The following RALYL variants were observed in gnomAD, a reference collection of about 807,000 sequenced individuals.
The protein encoded by RALYL is RALY RNA binding protein like.
RALYL carries 29 observed loss-of-function variants against 35.1 expected under a neutral mutation model. The ratio of observed to expected loss-of-function variants is 0.83; its 90% CI spans 0.61 to 1.13. RALYL has a LOEUF of 1.13. Ranked by LOEUF, RALYL falls within the 50% of genes most tolerant of loss-of-function variation. RALYL has a pLI of 0.00. For missense variants in RALYL, 359 were observed against 360.4 expected (o/e 1.00, Z 0.03); for synonymous variants, 120 against 127.6 (o/e 0.94, Z 0.40).
intron 1 of RALYL, among the ~76,000 whole-genome samples, chr8:84,367,484 G>A (rs908361316): frequency 1.5e-4 from 22 of 150,422 alleles, no homozygotes; most frequent in African/African-American, 2.9e-4. Context: ...AGCCACTAGC[G>A]CAGCCTCATT....
intron 2 of RALYL, among the ~76,000 whole-genome samples, chr8:84,773,538 A>G (rs76387394): frequency 0.029 from 4,479 of 152,258 alleles, 107 homozygotes; most frequent in Non-Finnish European, 0.049. Flanking sequence ...ACAGTTTTAC[A>G]TATTTCTTTA....
At chr8:84,674,534 A>C (rs553784228) in intron 2 of RALYL, among the ~76,000 whole-genome samples, 35 of 152,184 alleles carry the variant, frequency 2.3e-4, no homozygotes, top group Non-Finnish European at 4.4e-4. Context: ...CATTACTCTA[A>C]ACACAGCATT....
intron 5 of RALYL, among the ~76,000 whole-genome samples, chr8:84,856,890 C>T (rs1194654883): frequency 6.6e-6 from 1 of 150,854 alleles, no homozygotes; most frequent in Middle Eastern, 3.4e-3. Flanking sequence ...TAGCCGGGCG[C>T]GGTGGCAGGC....
chr8:84,524,038 G>C (rs1168515516), intron 1 of RALYL, among the ~76,000 whole-genome samples: 1 of 151,980 alleles, frequency 6.6e-6, no homozygotes, highest in African/African-American at 2.4e-5. Context: ...CCCAGTAATG[G>C]GATGGCTGGG....
intron 1 of RALYL, among the ~76,000 whole-genome samples, chr8:84,363,437 C>T (rs1457758053): frequency 6.6e-6 from 1 of 152,076 alleles, no homozygotes; most frequent in African/African-American, 2.4e-5. Context: ...GAGTGATGTG[C>T]GATGGGTAAT....
intron 2 of RALYL, among the ~76,000 whole-genome samples, chr8:84,692,650 T>G (rs1033405345): frequency 4.6e-5 from 7 of 152,102 alleles, no homozygotes; most frequent in African/African-American, 7.2e-5. Context: ...ATCCTTTTGC[T>G]GCAGAAACTG....
chr8:84,832,642 G>A (rs998779987), intron 4 of RALYL, among the ~76,000 whole-genome samples: 1 of 151,990 alleles, frequency 6.6e-6, no homozygotes, highest in African/African-American at 2.4e-5. Context: ...AAAATCTGTA[G>A]GTGGATATCT....
At chr8:84,705,769 C>T (rs1333099886) in intron 2 of RALYL, among the ~76,000 whole-genome samples, 1 of 152,100 alleles carries the variant, frequency 6.6e-6, no homozygotes, top group Non-Finnish European at 1.5e-5. Flanking sequence ...CATTAGAGAA[C>T]TTAACTGCTA....
intron 1 of RALYL, among the ~76,000 whole-genome samples, chr8:84,223,446 G>A (rs1453040085): frequency 5.3e-5 from 8 of 152,112 alleles, no homozygotes; most frequent in Non-Finnish European, 8.8e-5. Context: ...GACAGGGAAC[G>A]ATGGGCAAGG....
chr8:84,202,737 G>A (rs1817180334), intron 1 of RALYL, among the ~76,000 whole-genome samples: 1 of 151,956 alleles, frequency 6.6e-6, no homozygotes, highest in African/African-American at 2.4e-5. Context: ...TAACCACTAG[G>A]AATTATGCTA....
At chr8:84,208,953 A>C (rs539428899) in intron 1 of RALYL, among the ~76,000 whole-genome samples, 7 of 152,096 alleles carry the variant, frequency 4.6e-5, no homozygotes, top group Admixed American at 2.0e-4. Flanking sequence ...TTTAGCTGGA[A>C]GACTGTATTG....
At chr8:84,290,245 TTTAA>T (rs1838495363) in intron 1 of RALYL, among the ~76,000 whole-genome samples, 2 of 152,150 alleles carry the variant, frequency 1.3e-5, no homozygotes. Flanking sequence ...TCTTCCATGT[TTTAA>T]TTGTTACATT....
chr8:84,412,118 A>G (rs2044166645), intron 1 of RALYL, among the ~76,000 whole-genome samples: 1 of 151,918 alleles, frequency 6.6e-6, no homozygotes, highest in South Asian at 2.1e-4. Flanking sequence ...CCCTATTGAA[A>G]ACTAATTGTG....
At chr8:84,189,140 T>C (rs1263870404) in intron 1 of RALYL, among the ~76,000 whole-genome samples, 3 of 152,124 alleles carry the variant, frequency 2.0e-5, no homozygotes, top group Non-Finnish European at 4.4e-5. Context: ...CATGTAAAAA[T>C]CTAAATAGAG....
At chr8:84,324,629 T>TA (rs1167527492) in intron 1 of RALYL, among the ~76,000 whole-genome samples, 1 of 152,006 alleles carries the variant, frequency 6.6e-6, no homozygotes, top group African/African-American at 2.4e-5. Flanking sequence ...TTTATTTTTT[T>TA]AAAAAATTAA....
intron 1 of RALYL, among the ~76,000 whole-genome samples, chr8:84,473,762 TAATA>T (rs1225260839): frequency 6.6e-6 from 1 of 151,924 alleles, no homozygotes; most frequent in Non-Finnish European, 1.5e-5. Flanking sequence ...CTATGTCACT[TAATA>T]GTGTTATTTT....
chr8:84,189,180 C>T (rs1222120509), intron 1 of RALYL, among the ~76,000 whole-genome samples: 2 of 152,152 alleles, frequency 1.3e-5, no homozygotes, highest in African/African-American at 4.8e-5. Flanking sequence ...ACGTGGAAGT[C>T]TTGCACTGGT....
chr8:84,752,379 A>T (rs181354039), intron 2 of RALYL, among the ~76,000 whole-genome samples: 1 of 152,224 alleles, frequency 6.6e-6, no homozygotes, highest in Non-Finnish European at 1.5e-5. Flanking sequence ...ACTTATATTT[A>T]AAAGGGAAGC....
rs185928442 is a variant in RALYL at position 84,579,966 on chromosome 8, A to T, written c.256+50389A>T. Among the ~76,000 whole-genome samples the T allele has an allele frequency of 4.3e-3, 655 of 152,336 alleles. 5 individuals carry two copies. The highest frequency in any genetic ancestry group is 0.015 in the African/African-American group (624 of 41,578). Reference sequence around the variant, plus strand: ...TCTTCATAGTGTATTTTATCATGTAATCAATATAAAAATTCAGATATCCAA... The same window carrying T: ...TCTTCATAGTGTATTTTATCATGTATTCAATATAAAAATTCAGATATCCAA... On this transcript the variant is annotated intron_variant, in intron 2 of 8. Coordinates refer to ENST00000521268, the MANE Select transcript of RALYL (RefSeq NM_173848.7).
Sources: gnomAD v4.1 joint callset for allele counts (sites outside exome capture counted in the v4.1 genomes callset) on GRCh38, gnomAD v4.1.1 for gene constraint, MANE v1.5 for transcripts, NCBI Gene and HGNC (gene_info 2026-07-23, HGNC 2026-07-21) for gene names.